Variants in ZNF91 observed in about 807,000 individuals in gnomAD.
The protein encoded by ZNF91 is zinc finger protein 91 (HPF7, HTF10).
ZNF91 carries 7 observed loss-of-function variants against 12.6 expected under a neutral mutation model. That is an observed-to-expected ratio of 0.55 (90% CI 0.31 to 1.04). The LOEUF (loss-of-function observed/expected upper bound fraction) is 1.04. Ranked by LOEUF, ZNF91 falls within the 50% of genes least tolerant of loss-of-function variation. ZNF91 has a pLI of 0.05. For synonymous variants in ZNF91, 453 were observed against 462.6 expected, an observed-to-expected ratio of 0.98 and a Z score of 0.27; for missense variants, 1,217 against 1,385.4, an observed-to-expected ratio of 0.88 and a Z score of 1.93.
chr19:23,385,040 C>T, intron 1 of ZNF91: 6 of 1,204,430 alleles, frequency 5.0e-6, no homozygotes, highest in Non-Finnish European at 7.4e-6. Flanking sequence ...GGAGACACCT[C>T]ATGGGGCTCC....
At chr19:23,311,284 T>C (rs1967466828), upstream of ZNF91, among the ~76,000 whole-genome samples, 1 of 152,244 alleles carries the variant, frequency 6.6e-6, no homozygotes, top group African/African-American at 2.4e-5. Context: ...ATCCAGGTGA[T>C]GTGACTCTCC....
chr19:23,306,567 CT>C (rs1390434617), intron 3 of ZNF91, among the ~76,000 whole-genome samples: 1 of 152,190 alleles, frequency 6.6e-6, no homozygotes, highest in Non-Finnish European at 1.5e-5. Flanking sequence ...ATGTGACTCC[CT>C]TGTCTGTGTC....
chr19:23,321,844 C>T (rs1278273460), intron 1 of ZNF91, among the ~76,000 whole-genome samples: 1 of 152,108 alleles, frequency 6.6e-6, no homozygotes, highest in Non-Finnish European at 1.5e-5. Flanking sequence ...GCCTGGGCCA[C>T]GTCCATAGAT....
At chr19:23,345,243 C>A (rs1432162997) in intron 3 of ZNF91, among the ~76,000 whole-genome samples, 1 of 152,148 alleles carries the variant, frequency 6.6e-6, no homozygotes, top group Non-Finnish European at 1.5e-5. Context: ...TCTAGCCTAA[C>A]CTCGGTTATG....
At chr19:23,370,265 G>T (rs547350074) in intron 3 of ZNF91, among the ~76,000 whole-genome samples, 1 of 151,924 alleles carries the variant, frequency 6.6e-6, no homozygotes, top group African/African-American at 2.4e-5. Context: ...GATACACTTT[G>T]AGATTATGTC....
At chr19:23,316,481 T>C (rs1244287595) in intron 1 of ZNF91, among the ~76,000 whole-genome samples, 1 of 152,204 alleles carries the variant, frequency 6.6e-6, no homozygotes, top group Non-Finnish European at 1.5e-5. Context: ...GCCTGCACCC[T>C]GCAGGGGTTG....
In ZNF91 at chr19:23,395,385, C is replaced by T. The variant is rs375684693; in HGVS notation, c.-31G>A. On this transcript the variant is annotated 5_prime_UTR_variant, in exon 1 of 4. Coordinates refer to ENST00000300619, the MANE Select transcript of ZNF91 (RefSeq NM_003430.4). ...CTGTGGCTCTCCAATACCTGCAGGTCACAGGGCCACACAGGCTGGGCCTCC... is the reference window on the plus strand; with the variant it reads ...CTGTGGCTCTCCAATACCTGCAGGTTACAGGGCCACACAGGCTGGGCCTCC... 5.6e-5 allele frequency: 90 copies of T among 1,612,418 alleles called. 1 individual carries two copies. The African/African-American group carries it at 7.7e-4, about 14-fold the overall frequency.
Position 23,360,711 on chromosome 19 carries a change from G to A in ZNF91, c.2268C>T (p.Ser756=), listed in dbSNP as rs1166088103. Residue 756 remains serine, a synonymous_variant, in exon 4 of 4, where the codon AGC becomes AGT. Transcript: ENST00000300619. Reference sequence around the variant, plus strand: ...TATGAATTCTTTTATGTTTAGTAAGGCTTGAGGACCAGTTAAATGCTTTGC... The same window carrying A: ...TATGAATTCTTTTATGTTTAGTAAGACTTGAGGACCAGTTAAATGCTTTGC... ...ECGKAFNWSS[S]LTKHKRIHTR... 1 of 1,613,764 alleles carries A rather than the reference G, an allele frequency of 6.2e-7. No individual in the cohort carries two copies. Among genetic ancestry groups the A allele is most frequent in the East Asian group, 2.2e-5 (1 of 44,824 alleles).
chr19:23,388,831 G>C (rs547739451), intron 1 of ZNF91, among the ~76,000 whole-genome samples: 96 of 146,908 alleles, frequency 6.5e-4, no homozygotes, highest in African/African-American at 2.4e-3. Context: ...CAAAGATCAC[G>C]CCATTGCACT....
intron 3 of ZNF91, among the ~76,000 whole-genome samples, chr19:23,362,933 G>A (rs1192531064): frequency 2.6e-5 from 4 of 152,106 alleles, no homozygotes; most frequent in Non-Finnish European, 5.9e-5. Flanking sequence ...GAGTGCAGTG[G>A]TGCAATCTTG....
Position 23,359,090 on chromosome 19 carries a change from A to G in ZNF91, c.*313T>C. 3 of 558,508 alleles carry G rather than the reference A, an allele frequency of 5.4e-6. No individual in the cohort carries two copies. The highest frequency in any genetic ancestry group is 6.8e-6 in the Non-Finnish European group (2 of 292,194). The allele number at this position is 558,508 out of a possible 1,614,324, so 34.6% of individuals were successfully genotyped here. A position where few individuals can be genotyped will look rare whatever the true frequency, so the allele number is the denominator to read the frequency against. The stretch of plus-strand genomic sequence containing the variant: ...CTGGTTAGGGCTGAGGACCAGAAAA[A>G]GGATTTGCCACATTCTTCACATTTG... On this transcript the variant is annotated 3_prime_UTR_variant, in exon 4 of 4. Transcript: ENST00000300619.
Position 23,374,723 on chromosome 19 carries a change from C to T in ZNF91, c.72G>A (p.Pro24=), listed in dbSNP as rs368162760. 3.5e-5 allele frequency: 57 copies of T among 1,612,664 alleles called. No homozygotes were observed. The highest frequency in any genetic ancestry group is 1.3e-4 in the East Asian group (6 of 44,834). Residue 24 remains proline (P), a synonymous_variant, in exon 2 of 4, where the codon CCG becomes CCA. Coordinates refer to ENST00000300619, the MANE Select transcript of ZNF91 (RefSeq NM_003430.4). Reference sequence around the variant, plus strand: ...CAGTGTCCAGACATTGCCACTCCTCCGGAGAGAATTCTATGGCCACATCCC... The same window carrying T: ...CAGTGTCCAGACATTGCCACTCCTCTGGAGAGAATTCTATGGCCACATCCC... The part of the protein sequence containing the change: ...TFRDVAIEFS[P]EEWQCLDTAQ...
chr19:23,306,327 T>G (rs1967398417), intron 3 of ZNF91, among the ~76,000 whole-genome samples: 2 of 152,230 alleles, frequency 1.3e-5, no homozygotes, highest in South Asian at 4.1e-4. Flanking sequence ...ATATGCACCT[T>G]CACAGAACCT....
upstream of ZNF91, among the ~76,000 whole-genome samples, chr19:23,311,967 G>T (rs541228047): frequency 8.6e-5 from 13 of 151,182 alleles, no homozygotes; most frequent in African/African-American, 3.2e-4. Flanking sequence ...TGCCTTTGCT[G>T]ATTGGGTCTA....
chr19:23,392,005 T>C (rs1007003053), intron 1 of ZNF91, among the ~76,000 whole-genome samples: 1 of 152,186 alleles, frequency 6.6e-6, no homozygotes, highest in African/African-American at 2.4e-5. Context: ...AAGTTTAAGG[T>C]GTTTACATCT....
Position 23,373,730 on chromosome 19 carries a change from A to G in ZNF91, c.253+12T>C, listed in dbSNP as rs1377758925. ...CTCATCCTTGTCGTCTGTTGTATTC[A>G]CTCTCACCTACCTGTGGGTTCATCC... On this transcript the variant is annotated intron_variant, in intron 3 of 3. Transcript: ENST00000300619. The G allele has an allele frequency of 6.2e-7, 1 of 1,603,916 alleles. No homozygotes were observed. Among genetic ancestry groups the G allele is most frequent in the Admixed American group, 1.7e-5 (1 of 59,078 alleles).
chr19:23,324,164 T>TTTC (rs886599743), intron 1 of ZNF91: 1 of 146,480 alleles, frequency 6.8e-6, no homozygotes, highest in Non-Finnish European at 1.5e-5. Flanking sequence ...TCCTCATTCT[T>TTTC]TTCTTCTTCT....
downstream of ZNF91, among the ~76,000 whole-genome samples, chr19:23,337,509 C>T (rs74488217): frequency 5.3e-3 from 789 of 148,540 alleles, 8 homozygotes; most frequent in African/African-American, 0.019. Context: ...AATGTAAATT[C>T]GAAAATAAAA....
upstream of ZNF91, chr19:23,310,575 T>A (rs533172660): frequency 4.6e-5 from 7 of 152,352 alleles, no homozygotes; most frequent in South Asian, 2.1e-4. Context: ...GTGGAATTTT[T>A]AATCTCATCC....
Sources: gnomAD v4.1 joint callset for allele counts (sites outside exome capture counted in the v4.1 genomes callset) on GRCh38, gnomAD v4.1.1 for gene constraint, MANE v1.5 for transcripts, NCBI Gene and HGNC (gene_info 2026-07-23, HGNC 2026-07-21) for gene names.